Variants in STAT2 observed in about 807,000 individuals in gnomAD.
The protein encoded by STAT2 is signal transducer and activator of transcription 2.
A neutral mutation model predicts 122.3 loss-of-function variants in STAT2; 51 were observed. The observed-to-expected ratio is 0.42, with a 90% CI of 0.33 to 0.53. The LOEUF (loss-of-function observed/expected upper bound fraction) is 0.53. Ranked by LOEUF, STAT2 falls within the 20% of genes least tolerant of loss-of-function variation. The pLI is 0.10. For missense variants in STAT2, 736 were observed against 1,010.3 expected (o/e 0.73, Z 3.68); for synonymous variants, 351 against 394.9 (o/e 0.89, Z 1.32).
In STAT2 at chr12:56,350,135, C is replaced by G; in HGVS notation, c.1171G>C (p.Gly391Arg). 1.2e-6 allele frequency: 2 copies of G among 1,613,558 alleles called. No homozygotes were observed. The highest frequency in any genetic ancestry group is 1.7e-6 in the Non-Finnish European group (2 of 1,179,910). The change falls in exon 13 of 24, where the codon GGG (glycine) becomes CGG (arginine). Residue 391 changes from glycine (G) to arginine (R), a missense_variant. Transcript: ENST00000314128. ...TCCCAAATCAAACCCTGACTCTGCC[C>G]CTTCTCGGGGGTCAAAGTTTTCTGG... ...SNQKTLTPEKGQSQGLIWDFG... is the reference protein window; with the variant it reads ...SNQKTLTPEKRQSQGLIWDFG...
In STAT2 at chr12:56,349,185, T is replaced by C. The variant is rs746423465; in HGVS notation, c.1418A>G (p.Asn473Ser). The C allele has an allele frequency of 5.0e-6, 8 of 1,614,096 alleles. No homozygotes were observed. Among genetic ancestry groups the C allele is most frequent in the South Asian group, 2.2e-5 (2 of 91,078 alleles). Residue 473 changes from asparagine to serine, a missense_variant, in exon 16 of 24, where the codon AAT becomes AGT. Physicochemically the swap from Asn to Ser is conservative, Grantham distance 46. Coordinates refer to ENST00000314128, the MANE Select transcript of STAT2 (RefSeq NM_005419.4). ...TACCTGAAGGTTTGGGCTGAGCAAA[T>C]TGAACCAGAGAACTGAAGCCCAGGC... ...SIAWASVLWF[N>S]LLSPNLQNQQ...
chr12:56,347,998 G>C (rs1053030925), intron 19 of STAT2, among the ~76,000 whole-genome samples: 1 of 151,888 alleles, frequency 6.6e-6, no homozygotes, highest in Non-Finnish European at 1.5e-5. Flanking sequence ...TGGTTGTAAG[G>C]ATGAGATGAG....
chr12:56,354,008 A>ATATATATATATATATAT, intron 8 of STAT2, among the ~76,000 whole-genome samples: 2 of 19,822 alleles, frequency 1.0e-4, no homozygotes, highest in African/African-American at 1.4e-4. Flanking sequence ...AAAAAAAAAA[A>ATATATATATATATATAT]AAAAAAAAAT....
chr12:56,350,514 T>G (rs779896507), intron 11 of STAT2, 82 bp from the exon 12 acceptor site: 31 of 1,373,532 alleles, frequency 2.3e-5, no homozygotes, highest in Non-Finnish European at 3.1e-5. Context: ...CAGACAGACC[T>G]CGGTTCAAAC....
In STAT2 at chr12:56,353,995, CAAA is replaced by C. The variant is rs1187550270; in HGVS notation, c.782+468_782+470del. Among the ~76,000 whole-genome samples the C allele has an allele frequency of 2.9e-3, 37 of 12,756 alleles. 2 individuals are homozygous for C. The highest frequency in any genetic ancestry group is 3.7e-3 in the Admixed American group (2 of 540). The allele number at this position is 12,756 out of a possible 152,430, so 8.4% of individuals were successfully genotyped here. On this transcript the variant is annotated intron_variant, in intron 8 of 23. Coordinates refer to ENST00000314128, the MANE Select transcript of STAT2 (RefSeq NM_005419.4). ...TGGGCAACAGAGAGAGACTCCGTCT[CAAA>C]AAAAAAAAAAAAAAAAAAATATATA...
At chr12:56,346,233 A>C in intron 21 of STAT2, 30 bp from the exon 22 acceptor site, 1 of 1,536,244 alleles carries the variant, frequency 6.5e-7, no homozygotes, top group South Asian at 1.1e-5. Flanking sequence ...GAAGCAGAGA[A>C]GATCAGTGGG....
At chr12:56,359,996 C>T (rs1372907914) in intron 1 of STAT2, 62 bp downstream of exon 1, 62 of 973,852 alleles carry the variant, frequency 6.4e-5, no homozygotes, top group Non-Finnish European at 7.4e-5. Flanking sequence ...TCGCCCTTCC[C>T]TCGGAGGAAC....
At chr12:56,357,668 C>T (rs1879727855) in intron 1 of STAT2, among the ~76,000 whole-genome samples, 1 of 151,166 alleles carries the variant, frequency 6.6e-6, no homozygotes. Flanking sequence ...ATTTTAATAG[C>T]TTCAATAAGT....
At position 56,346,515 on chromosome 12, in the gene STAT2, A is replaced by G; in HGVS notation, c.1971T>C (p.Pro657=). The G allele has an allele frequency of 6.2e-7, 1 of 1,614,186 alleles. No homozygotes were observed. Among genetic ancestry groups the G allele is most frequent in the South Asian group, 1.1e-5 (1 of 91,078 alleles). The change falls in exon 21 of 24, where the codon CCT becomes CCC. Residue 657 remains proline, a synonymous_variant. Coordinates refer to ENST00000314128, the MANE Select transcript of STAT2 (RefSeq NM_005419.4). ...HYQLLTEENI[P]ENPLRFLYPR... is the part of the protein sequence containing the mutation. ...GATAGAGGAAGCGCAGTGGGTTTTC[A>G]GGTATATTCTCCTCAGTGAGCAACT...
intron 14 of STAT2, 35 bp from the exon 15 acceptor site, chr12:56,349,544 C>T (rs1233460228): frequency 6.2e-7 from 1 of 1,614,202 alleles, no homozygotes; most frequent in South Asian, 1.1e-5. Flanking sequence ...TCAGAAGGCT[C>T]TTTGGCAAGC....
At position 56,346,905 on chromosome 12, in the gene STAT2, T is replaced by C; in HGVS notation, c.1775A>G (p.Lys592Arg). The C allele has an allele frequency of 6.2e-7, 1 of 1,614,194 alleles. No homozygotes were observed. The highest frequency in any genetic ancestry group is 1.3e-5 in the African/African-American group (1 of 75,052). The change falls in exon 20 of 24, where the codon AAG becomes AGG. Residue 592 changes from lysine to arginine, a missense_variant. Lys to Arg is a conservative substitution (Grantham distance 26). Transcript: ENST00000314128. ...SRSQERRLLK[K>R]TMSGTFLLRF... ...CAGTAGAAAGGTGCCAGACATGGTC[T>C]TCTTCAGCAGCCGGCGCTCCTGGCT...
chr12:56,350,575 T>C (rs1878309614), intron 11 of STAT2, 143 bp from the exon 12 acceptor site: 1 of 798,728 alleles, frequency 1.3e-6, no homozygotes, highest in Non-Finnish European at 2.0e-6. Context: ...GTAATCAGTC[T>C]CTCTAAGCCT....
chr12:56,351,157 G>A lies in STAT2; in HGVS notation c.975C>T (p.Pro325=), dbSNP rs562801991. The change falls in exon 10 of 24, where the codon CCC becomes CCT. Residue 325 remains proline (P), a synonymous_variant. Transcript: ENST00000314128. ...GGATGAGGGGTCGATGGGGAGTTTG[G>A]GGCATGCAGGGCTGGGTTTCTACCA... The part of the protein sequence containing the change: ...AFVVETQPCM[P]QTPHRPLILK... 1.1e-5 allele frequency: 18 copies of A among 1,614,074 alleles called. No homozygotes were observed. The South Asian group carries it at 1.5e-4, about 14-fold the overall frequency.
intron 21 of STAT2, 114 bp downstream of exon 21, chr12:56,346,328 A>T (rs1447327427): frequency 6.4e-7 from 1 of 1,555,816 alleles, no homozygotes; most frequent in Non-Finnish European, 8.8e-7. Context: ...CCATGGACGA[A>T]TCCCTTAATT....
At chr12:56,357,101 A>G (rs1266669289) in intron 1 of STAT2, among the ~76,000 whole-genome samples, 2 of 129,608 alleles carry the variant, frequency 1.5e-5, no homozygotes, top group African/African-American at 6.0e-5. Flanking sequence ...AAGTGGCATG[A>G]TCTTGGCTCA....
chr12:56,359,973 C>A (rs1880132550), intron 1 of STAT2, 85 bp downstream of exon 1: 3 of 911,582 alleles, frequency 3.3e-6, no homozygotes, highest in Admixed American at 6.2e-5. Flanking sequence ...CAGGGGGTAA[C>A]CCCTGGGGCC....
rs1029787637 is a variant in STAT2, at chr12:56,342,331, G to C, written c.*1058C>G. 1 of 151,682 alleles carries C rather than the reference G, an allele frequency of 6.6e-6. No homozygotes were observed. The highest frequency in any genetic ancestry group is 1.5e-5 in the Non-Finnish European group (1 of 68,310). 9.4% of individuals were successfully genotyped at this position (151,682 alleles called of 1,614,324 possible). On this transcript the variant is annotated 3_prime_UTR_variant, in exon 24 of 24. Coordinates refer to ENST00000314128, the MANE Select transcript of STAT2 (RefSeq NM_005419.4). ...AAAAAAAAAATCCTGGCCAAGCACA[G>C]TGGCTCATGCCTATAATCCCAGCAC...
intron 3 of STAT2, 139 bp from the exon 4 acceptor site, chr12:56,355,942 C>A: frequency 1.7e-6 from 2 of 1,199,386 alleles, no homozygotes; most frequent in Non-Finnish European, 2.4e-6. Context: ...CCATAGCATC[C>A]TCCCAACAGT....
rs1429904396 is a variant in STAT2, at chr12:56,354,181, G to A, written c.782+285C>T. Among the ~76,000 whole-genome samples, 14 of 145,106 alleles carry A rather than the reference G, an allele frequency of 9.6e-5. 2 individuals are homozygous for A. Among genetic ancestry groups the A allele is most frequent in the Admixed American group, 4.9e-4 (7 of 14,340 alleles). On this transcript the variant is annotated intron_variant, in intron 8 of 23. Transcript: ENST00000314128. The stretch of plus-strand genomic sequence containing the variant: ...TCCTTCCTTTCTTGTCATTGTATTC[G>A]TTGCAGTAAAAAAAAAAATACATAT...
Sources: allele counts gnomAD v4.1 joint callset (sites outside exome capture counted in the v4.1 genomes callset), GRCh38; gene constraint gnomAD v4.1.1; transcripts MANE v1.5; gene names NCBI Gene and HGNC (gene_info 2026-07-23, HGNC 2026-07-21).